TTC39B: variants seen among roughly 807,000 people sequenced by gnomAD.
TTC39B encodes tetratricopeptide repeat domain 39B, also known as tetratricopeptide repeat protein 39B.
TTC39B carries 92 observed loss-of-function variants against 96.6 expected under a neutral mutation model. That is an observed-to-expected ratio of 0.95 (90% CI 0.80 to 1.13). The LOEUF is 1.13. Among genes scored for constraint, TTC39B ranks in the 50% most tolerant of loss-of-function variants. TTC39B has a pLI of 0.00. For synonymous variants in TTC39B, 367 were observed against 299.4 expected (o/e 1.23, Z -2.33); for missense variants, 955 against 809.3 (o/e 1.18, Z -2.18).
intron 1 of TTC39B, among the ~76,000 whole-genome samples, chr9:15,282,348 A>G (rs1307390997): frequency 6.6e-6 from 1 of 152,238 alleles, no homozygotes; most frequent in Non-Finnish European, 1.5e-5. Flanking sequence ...GGAATTTGAA[A>G]TGACTGCAGA....
At chr9:15,192,013 T>C (rs1194630338) in intron 9 of TTC39B, among the ~76,000 whole-genome samples, 1 of 152,196 alleles carries the variant, frequency 6.6e-6, no homozygotes, top group Non-Finnish European at 1.5e-5. Flanking sequence ...GTCCATTCTG[T>C]GGGTACCAGT....
intron 9 of TTC39B, among the ~76,000 whole-genome samples, chr9:15,191,639 G>C (rs1489810726): frequency 6.6e-6 from 1 of 152,160 alleles, no homozygotes. Flanking sequence ...CCACCCAGAA[G>C]TGGACAGCTG....
chr9:15,238,407 CAA>C (rs1014638131), intron 2 of TTC39B, among the ~76,000 whole-genome samples: 1 of 152,124 alleles, frequency 6.6e-6, no homozygotes, highest in African/African-American at 2.4e-5. Flanking sequence ...AAGACTCCTC[CAA>C]AAGACTCCTA....
chr9:15,287,800 G>A (rs1206985745), intron 1 of TTC39B, among the ~76,000 whole-genome samples: 2 of 151,938 alleles, frequency 1.3e-5, no homozygotes, highest in African/African-American at 4.8e-5. Flanking sequence ...ACAAAAATTA[G>A]CCGGGCATGG....
chr9:15,196,718 A>G (rs1201309137), intron 8 of TTC39B, among the ~76,000 whole-genome samples: 1 of 152,250 alleles, frequency 6.6e-6, no homozygotes, highest in East Asian at 1.9e-4. Context: ...AGGATTTGGA[A>G]TATTAAATAA....
intron 2 of TTC39B, among the ~76,000 whole-genome samples, chr9:15,231,389 T>C (rs949884512): frequency 1.3e-5 from 2 of 152,202 alleles, no homozygotes; most frequent in Non-Finnish European, 2.9e-5. Flanking sequence ...TACTTGTTTT[T>C]GTCCATGAGA....
chr9:15,242,201 T>C (rs1029763154), intron 2 of TTC39B, among the ~76,000 whole-genome samples: 2 of 152,164 alleles, frequency 1.3e-5, no homozygotes, highest in Non-Finnish European at 2.9e-5. Flanking sequence ...AAGGAGCAAA[T>C]GAAGGATAAC....
chr9:15,285,308 T>A (rs1336439317), intron 1 of TTC39B, among the ~76,000 whole-genome samples: 4 of 151,712 alleles, frequency 2.6e-5, no homozygotes, highest in African/African-American at 9.7e-5. Flanking sequence ...ATGCCCAGTG[T>A]ATTTGTTTGT....
intron 2 of TTC39B, among the ~76,000 whole-genome samples, chr9:15,257,730 G>A (rs1470447132): frequency 1.3e-5 from 2 of 150,476 alleles, no homozygotes; most frequent in East Asian, 4.0e-4. Context: ...TTACAGGCAT[G>A]AGCCACCGTG....
chr9:15,272,120 C>T (rs1272154742), intron 1 of TTC39B, among the ~76,000 whole-genome samples: 1 of 152,186 alleles, frequency 6.6e-6, no homozygotes, highest in Admixed American at 6.5e-5. Flanking sequence ...AGTTCAAATT[C>T]TATCCCTTTT....
intron 2 of TTC39B, among the ~76,000 whole-genome samples, chr9:15,245,894 C>A (rs1037185425): frequency 3.5e-4 from 54 of 152,150 alleles, no homozygotes; most frequent in African/African-American, 1.2e-3. Flanking sequence ...GCAATTACCA[C>A]CTAAATTTCT....
rs150910705 is a variant in TTC39B at position 15,179,381 on chromosome 9, T to C, written c.1724-1567A>G. On this transcript the variant is annotated intron_variant, in intron 17 of 19. Coordinates refer to ENST00000512701, the Ensembl canonical transcript of TTC39B. ...CATTAACACATGCTGGCAGTTAAGATGGTAAACCACTTGACTATGGAGATT... is the reference window on the plus strand; with the variant it reads ...CATTAACACATGCTGGCAGTTAAGACGGTAAACCACTTGACTATGGAGATT... Among the ~76,000 whole-genome samples, 625 of 152,314 alleles carry C rather than the reference T, an allele frequency of 4.1e-3. 3 individuals carry two copies. The highest frequency in any genetic ancestry group is 6.0e-3 in the Non-Finnish European group (411 of 68,028).
At chr9:15,198,469 T>A (rs545019182) in intron 8 of TTC39B, among the ~76,000 whole-genome samples, 30,209 of 144,090 alleles carry the variant, frequency 0.21, 3,506 homozygotes, top group South Asian at 0.3. Flanking sequence ...AAAATATATA[T>A]ATATATATAT....
chr9:15,254,099 T>C (rs1337947444), intron 2 of TTC39B, among the ~76,000 whole-genome samples: 1 of 151,876 alleles, frequency 6.6e-6, no homozygotes, highest in African/African-American at 2.4e-5. Context: ...TAATGCTTGA[T>C]GTAAAGGATG....
intron 15 of TTC39B, 95 bp downstream of exon 15, chr9:15,186,849 C>G (rs1230193404): frequency 1.8e-6 from 2 of 1,134,158 alleles, no homozygotes; most frequent in South Asian, 2.6e-5. Flanking sequence ...GCACATGCCA[C>G]CAGGCCCAGC....
rs1266363376 is a variant in TTC39B, at chr9:15,192,577, G to T, written c.930+13C>A. On this transcript the variant is annotated intron_variant, in intron 9 of 19. Coordinates refer to ENST00000512701, the Ensembl canonical transcript of TTC39B. ...CTACAAAAGTTCTGGTTTCTATACA[G>T]TGATTTCCTTACCAAATTAAAGGCC... 6.2e-7 allele frequency: 1 copy of T among 1,603,266 alleles called. No homozygotes were observed. The highest frequency in any genetic ancestry group is 8.5e-7 in the Non-Finnish European group (1 of 1,170,452).
intron 1 of TTC39B, among the ~76,000 whole-genome samples, chr9:15,292,781 G>C (rs1208866076): frequency 6.6e-6 from 1 of 152,176 alleles, no homozygotes; most frequent in African/African-American, 2.4e-5. Context: ...AGGATATAAA[G>C]AAAATATTTT....
chr9:15,184,004 T>C (rs1818387797), intron 16 of TTC39B, among the ~76,000 whole-genome samples: 1 of 152,174 alleles, frequency 6.6e-6, no homozygotes, highest in Non-Finnish European at 1.5e-5. Context: ...GGGGCTGCAT[T>C]GTTCTTTCTC....
intron 2 of TTC39B, among the ~76,000 whole-genome samples, chr9:15,267,358 T>C (rs191373376): frequency 9.8e-4 from 149 of 152,388 alleles, no homozygotes; most frequent in Admixed American, 8.2e-3. Context: ...TCCCTTTTAA[T>C]TCAGTAATCC....
Sources: gnomAD v4.1 joint callset for allele counts (sites outside exome capture counted in the v4.1 genomes callset) on GRCh38, gnomAD v4.1.1 for gene constraint, MANE v1.5 for transcripts, NCBI Gene and HGNC (gene_info 2026-07-23, HGNC 2026-07-21) for gene names.